CEP85L: variants seen among roughly 807,000 people sequenced by gnomAD.
The protein encoded by CEP85L is centrosomal protein 85L.
Under a neutral mutation model 100.3 loss-of-function variants are expected in CEP85L, and 60 were observed. The ratio of observed to expected loss-of-function variants is 0.60; its 90% CI spans 0.49 to 0.74. CEP85L has a LOEUF of 0.74. Ranked by LOEUF, CEP85L falls within the 30% of genes least tolerant of loss-of-function variation. The pLI, the probability that CEP85L is intolerant of heterozygous loss-of-function variation, is 0.00. For synonymous variants in CEP85L, 319 were observed against 322.7 expected, an observed-to-expected ratio of 0.99 and a Z score of 0.12; for missense variants, 973 against 936.2, an observed-to-expected ratio of 1.04 and a Z score of -0.51.
chr6:118,651,483 GGGCTGAGGCCCGCGCC>G lies in CEP85L; in HGVS notation c.-230_-215del. On this transcript the variant is annotated 5_prime_UTR_variant, in exon 1 of 13. Coordinates refer to ENST00000368491, the MANE Select transcript of CEP85L (RefSeq NM_001042475.3). ...GGCGCCTGCCATGGCCAAGCCGGCT[GGGCTGAGGCCCGCGCC>G]GGGGAAGCGGCGACTCGGCGGTGAC... The G allele has an allele frequency of 2.3e-6, 3 of 1,300,210 alleles. No homozygotes were observed. Among genetic ancestry groups the G allele is most frequent in the South Asian group, 2.3e-5 (1 of 44,324 alleles). The allele number at this position is 1,300,210 out of a possible 1,614,324, so 80.5% of individuals were successfully genotyped here. A position where few individuals can be genotyped will look rare whatever the true frequency, so the allele number is the denominator to read the frequency against.
chr6:118,468,851 G>T (rs1024715705), intron 12 of CEP85L, among the ~76,000 whole-genome samples: 5 of 152,042 alleles, frequency 3.3e-5, no homozygotes, highest in African/African-American at 1.2e-4. Flanking sequence ...TTCAACATAG[G>T]AAACATCACC....
intron 4 of CEP85L, among the ~76,000 whole-genome samples, chr6:118,512,404 C>T (rs1776024662): frequency 6.6e-6 from 1 of 152,160 alleles, no homozygotes; most frequent in Non-Finnish European, 1.5e-5. Flanking sequence ...TTCAGGGTGC[C>T]TTGGAATTAC....
chr6:118,510,295 G>A (rs2516262), intron 5 of CEP85L, among the ~76,000 whole-genome samples: 145,619 of 152,136 alleles, frequency 0.96, 69,711 homozygotes, highest in South Asian at 0.97. Context: ...ACAAAATATT[G>A]AGACAAAATT....
At chr6:118,536,990 A>G (rs2114856355) in intron 3 of CEP85L, among the ~76,000 whole-genome samples, 1 of 152,260 alleles carries the variant, frequency 6.6e-6, no homozygotes, top group East Asian at 1.9e-4. Context: ...GCAGTTATAT[A>G]TTACTAGTAA....
chr6:118,570,953 A>G (rs1037576018), intron 2 of CEP85L, among the ~76,000 whole-genome samples: 6 of 152,088 alleles, frequency 3.9e-5, no homozygotes, highest in African/African-American at 1.4e-4. Context: ...GAATAAATGA[A>G]AAAAGAATTA....
At chr6:118,624,623 C>T (rs1773664009) in intron 2 of CEP85L, among the ~76,000 whole-genome samples, 1 of 152,166 alleles carries the variant, frequency 6.6e-6, no homozygotes, top group South Asian at 2.1e-4. Context: ...GGTTTACTAC[C>T]CACACCTATA....
At chr6:118,582,986 A>G (rs186961770) in intron 2 of CEP85L, among the ~76,000 whole-genome samples, 219 of 152,322 alleles carry the variant, frequency 1.4e-3, no homozygotes, top group African/African-American at 5.1e-3. Context: ...GCACGCTTGT[A>G]AAGTCCAGGA....
In CEP85L at chr6:118,491,300, C is replaced by T. The variant is rs1255784012; in HGVS notation, c.1437+386G>A. On this transcript the variant is annotated intron_variant, in intron 6 of 12. Coordinates refer to ENST00000368491, the MANE Select transcript of CEP85L (RefSeq NM_001042475.3). ...TGGTTTTTAGCTTCTTATTCTGAAT[C>T]AGGGGCTTCAGTTTAATAACTTAAG... 3 of 216,620 alleles carry T rather than the reference C, an allele frequency of 1.4e-5. No homozygotes were observed. In the East Asian group the frequency reaches 4.7e-4, roughly 34 times the overall value. 13.4% of individuals were successfully genotyped at this position (216,620 alleles called of 1,614,324 possible).
chr6:118,471,350 T>C (rs1330016101), intron 10 of CEP85L, among the ~76,000 whole-genome samples: 1 of 152,040 alleles, frequency 6.6e-6, no homozygotes, highest in Non-Finnish European at 1.5e-5. Flanking sequence ...ATTAGTGAAT[T>C]CTAAGTGTTT....
At chr6:118,508,212 G>C (rs922195412) in intron 5 of CEP85L, among the ~76,000 whole-genome samples, 1 of 151,722 alleles carries the variant, frequency 6.6e-6, no homozygotes, top group African/African-American at 2.4e-5. Context: ...GTACAGACTT[G>C]GTGGTGGAAA....
At chr6:118,667,457 C>G (rs1051744940) in intron 1 of CEP85L, among the ~76,000 whole-genome samples, 7 of 152,152 alleles carry the variant, frequency 4.6e-5, no homozygotes, top group East Asian at 3.9e-4. Context: ...TAATGTAAAG[C>G]TGGATCTTAG....
chr6:118,670,730 T>C (rs1187066869), intron 1 of CEP85L, among the ~76,000 whole-genome samples: 1 of 152,210 alleles, frequency 6.6e-6, no homozygotes, highest in East Asian at 1.9e-4. Context: ...TATGTGGTAC[T>C]ATTGCAGCAG....
chr6:118,488,147 C>T (rs1437383555), intron 6 of CEP85L, among the ~76,000 whole-genome samples: 2 of 151,982 alleles, frequency 1.3e-5, no homozygotes, highest in East Asian at 3.9e-4. Context: ...ATACAAGTAT[C>T]AACTTAAAGA....
At chr6:118,576,858 A>G (rs1780267375) in intron 2 of CEP85L, among the ~76,000 whole-genome samples, 1 of 151,540 alleles carries the variant, frequency 6.6e-6, no homozygotes, top group Admixed American at 6.6e-5. Context: ...CCAAGATGCA[A>G]ATGCCTGGCT....
At chr6:118,642,411 A>G (rs1774936425) in intron 1 of CEP85L, among the ~76,000 whole-genome samples, 1 of 152,246 alleles carries the variant, frequency 6.6e-6, no homozygotes, top group African/African-American at 2.4e-5. Flanking sequence ...GTTAGGTTCT[A>G]GCCAGAAGTA....
At position 118,511,313 on chromosome 6, in the gene CEP85L, A is replaced by G. The variant is rs760965108; in HGVS notation, c.1242T>C (p.Tyr414=). The change falls in exon 5 of 13, where the codon TAT becomes TAC. Residue 414 remains tyrosine (Y), a synonymous_variant. Coordinates refer to ENST00000368491, the MANE Select transcript of CEP85L (RefSeq NM_001042475.3). ...LGHYVNCEDS[Y]VASLQPQYEN... is the part of the protein sequence containing the mutation. ...GTAATCTTACCTGCAAACTAGCCACATAAGAATCCTCACAATTTACATAAT... is the reference window on the plus strand; with the variant it reads ...GTAATCTTACCTGCAAACTAGCCACGTAAGAATCCTCACAATTTACATAAT... 58 of 1,610,274 alleles carry G rather than the reference A, an allele frequency of 3.6e-5. No homozygotes were observed. The highest frequency in any genetic ancestry group is 4.8e-5 in the Non-Finnish European group (57 of 1,176,924).
At chr6:118,498,903 T>A (rs1350719040) in intron 5 of CEP85L, among the ~76,000 whole-genome samples, 1 of 152,170 alleles carries the variant, frequency 6.6e-6, no homozygotes. Flanking sequence ...AATCATCCAA[T>A]GTCTGCTGTC....
upstream of CEP85L, chr6:118,652,795 A>G (rs1234193231): frequency 2.9e-6 from 4 of 1,364,274 alleles, no homozygotes; most frequent in Admixed American, 2.0e-5. Flanking sequence ...ATGTTAGCCA[A>G]GGGTCAGCTG....
Position 118,565,564 on chromosome 6 carries a change from C to T in CEP85L, c.985G>A (p.Glu329Lys). The T allele has an allele frequency of 6.2e-7, 1 of 1,614,186 alleles. No homozygotes were observed. The highest frequency in any genetic ancestry group is 8.5e-7 in the Non-Finnish European group (1 of 1,180,026). Residue 329 changes from glutamate to lysine, a missense_variant, in exon 3 of 13, where the codon GAA becomes AAA. Glu to Lys is a moderately conservative substitution (Grantham distance 56, BLOSUM62 1). Transcript: ENST00000368491. Reference sequence around the variant, plus strand: ...GTTTCACTTCCTTGTCGAAAGTCTTCAATTTGCTGCTGTTGCCAAGGAGCT... The same window carrying T: ...GTTTCACTTCCTTGTCGAAAGTCTTTAATTTGCTGCTGTTGCCAAGGAGCT... ...SLAPWQQQQI[E>K]DFRQGSETPM...
Sources: allele counts gnomAD v4.1 joint callset (sites outside exome capture counted in the v4.1 genomes callset), GRCh38; gene constraint gnomAD v4.1.1; transcripts MANE v1.5; gene names NCBI Gene and HGNC (gene_info 2026-07-23, HGNC 2026-07-21).